The following PCNX1 variants were observed in gnomAD, a reference collection of about 807,000 sequenced individuals.
The protein encoded by PCNX1 is pecanex 1.
PCNX1 carries 78 observed loss-of-function variants against 242.2 expected under a neutral mutation model. That is an observed-to-expected ratio of 0.32 (90% confidence interval 0.27 to 0.39). The LOEUF is 0.39. Among genes scored for constraint, PCNX1 ranks in the 10% least tolerant of loss-of-function variants. PCNX1 has a pLI of 1.00. For synonymous variants in PCNX1, 1,024 were observed against 1,032.9 expected, an observed-to-expected ratio of 0.99 and a Z score of 0.17; for missense variants, 2,581 against 2,856.5, an observed-to-expected ratio of 0.90 and a Z score of 2.20.
chr14:71,114,303 T>A lies in PCNX1; in HGVS notation c.*4368T>A, dbSNP rs749972653. On this transcript the variant is annotated 3_prime_UTR_variant, in exon 36 of 36. Coordinates refer to ENST00000304743, the MANE Select transcript of PCNX1 (RefSeq NM_014982.3). ...TTGTTTTTAATTTGGTTGATTGATA[T>A]GCACCCAGGCCGTCTTATTTTTACT... 4 of 152,204 alleles carry A rather than the reference T, an allele frequency of 2.6e-5. No individual in the cohort carries two copies. The highest frequency in any genetic ancestry group is 5.9e-5 in the Non-Finnish European group (4 of 68,018). The allele number at this position is 152,204 out of a possible 1,614,324, so 9.4% of individuals were successfully genotyped here.
At chr14:71,054,658 C>T (rs1005810836) in intron 24 of PCNX1, among the ~76,000 whole-genome samples, 38 of 152,032 alleles carry the variant, frequency 2.5e-4, no homozygotes, top group Non-Finnish European at 1.2e-4. Context: ...AAGAAAAAAA[C>T]GCAGCTAGTT....
rs745918474 is a variant in PCNX1 at position 70,962,236 on chromosome 14, G to A, written c.373G>A (p.Gly125Arg). 3 of 1,603,816 alleles carry A rather than the reference G, an allele frequency of 1.9e-6. No homozygotes were observed. The Admixed American group carries it at 5.0e-5, about 27-fold the overall frequency. Reference protein sequence around the residue: ...KDSNGPSDPGGGIEMSEFIRE... With the variant: ...KDSNGPSDPGRGIEMSEFIRE... ...TTTTTTTCTCCACAGTGATCCTGGTGGAGGGATTGAAATGTCTGAGTTCAT... is the reference window on the plus strand; with the variant it reads ...TTTTTTTCTCCACAGTGATCCTGGTAGAGGGATTGAAATGTCTGAGTTCAT... Residue 125 changes from glycine to arginine, a missense_variant, in exon 3 of 36, where the codon GGA becomes AGA. Around this residue, in one of 9 missense-constraint regions of PCNX1, gnomAD observed 1,204 missense variants for 1,216.7 expected, o/e 0.99. Transcript: ENST00000304743.
At chr14:70,913,252 G>A (rs2056003005) in intron 1 of PCNX1, among the ~76,000 whole-genome samples, 1 of 152,158 alleles carries the variant, frequency 6.6e-6, no homozygotes. Context: ...TACATGTGAA[G>A]CTTTTTTAGA....
chr14:71,103,260 C>G, intron 31 of PCNX1, 135 bp from the exon 32 acceptor site: 1 of 946,018 alleles, frequency 1.1e-6, no homozygotes, highest in Non-Finnish European at 1.6e-6. Context: ...TAAATGTGAC[C>G]TACTTATATT....
chr14:71,006,733 A>G (rs1205366170), intron 8 of PCNX1, among the ~76,000 whole-genome samples: 3 of 152,182 alleles, frequency 2.0e-5, no homozygotes, highest in East Asian at 3.8e-4. Context: ...ATAGTAATAT[A>G]TATTTATTTC....
intron 5 of PCNX1, among the ~76,000 whole-genome samples, chr14:70,971,429 C>T (rs1178032603): frequency 7.5e-5 from 1 of 13,382 alleles, no homozygotes; most frequent in African/African-American, 2.6e-4. Flanking sequence ...CAGGCGTGAG[C>T]CACCGCGCCC....
intron 1 of PCNX1, among the ~76,000 whole-genome samples, chr14:70,921,813 T>C (rs1057487972): frequency 2.0e-5 from 3 of 152,180 alleles, no homozygotes; most frequent in Non-Finnish European, 4.4e-5. Flanking sequence ...GTACATACTC[T>C]GTCTCTCTTA....
intron 1 of PCNX1, among the ~76,000 whole-genome samples, chr14:70,927,473 C>G (rs2056633690): frequency 6.6e-6 from 1 of 152,056 alleles, no homozygotes; most frequent in African/African-American, 2.4e-5. Context: ...GAGCTCAGGG[C>G]AAGTGTGATG....
At chr14:71,031,875 A>C in intron 16 of PCNX1, 1 of 1,454,860 alleles carries the variant, frequency 6.9e-7, no homozygotes, top group Non-Finnish European at 9.6e-7. Context: ...GCACTTTCAC[A>C]GCACGAGCAG....
chr14:70,978,749 C>T, intron 6 of PCNX1, 101 bp downstream of exon 6: 1 of 1,032,502 alleles, frequency 9.7e-7, no homozygotes, highest in Non-Finnish European at 1.4e-6. Context: ...AATATTCCCC[C>T]TTCCACTGTG....
chr14:71,081,602 T>G (rs2061856439), intron 28 of PCNX1, among the ~76,000 whole-genome samples: 1 of 152,098 alleles, frequency 6.6e-6, no homozygotes, highest in South Asian at 2.1e-4. Flanking sequence ...CTTGGGAGGG[T>G]GTGTGTGTCC....
At chr14:70,945,395 G>T (rs749309144) in intron 1 of PCNX1, among the ~76,000 whole-genome samples, 69 of 152,108 alleles carry the variant, frequency 4.5e-4, no homozygotes, top group Admixed American at 1.3e-4. Context: ...TTTTAAGTTG[G>T]AATCAGAAGT....
At chr14:70,939,407 A>T (rs2057141711) in intron 1 of PCNX1, among the ~76,000 whole-genome samples, 1 of 152,188 alleles carries the variant, frequency 6.6e-6, no homozygotes, top group Admixed American at 6.5e-5. Flanking sequence ...GTCATTCAGG[A>T]GCAGGTTGTA....
At chr14:70,999,463 G>T (rs1260459633) in intron 8 of PCNX1, among the ~76,000 whole-genome samples, 1 of 152,092 alleles carries the variant, frequency 6.6e-6, no homozygotes, top group Non-Finnish European at 1.5e-5. Flanking sequence ...AAGAAATGAG[G>T]ACAAGAGTTC....
At position 71,058,973 on chromosome 14, in the gene PCNX1, A is replaced by G. The variant is rs113448866; in HGVS notation, c.4852+1249A>G. Among the ~76,000 whole-genome samples the G allele has an allele frequency of 8.0e-3, 1,216 of 152,334 alleles. 10 individuals carry two copies. Among genetic ancestry groups the G allele is most frequent in the Middle Eastern group, 0.024 (7 of 294 alleles). On this transcript the variant is annotated intron_variant, in intron 26 of 35. Coordinates refer to ENST00000304743, the MANE Select transcript of PCNX1 (RefSeq NM_014982.3). ...CAACTAGGCTCATCCAAAAGTTAGC[A>G]TACCCTTACCACCATTCCTGCTACT...
intron 1 of PCNX1, among the ~76,000 whole-genome samples, chr14:70,937,734 A>G (rs1027596291): frequency 1.3e-5 from 2 of 152,138 alleles, no homozygotes; most frequent in African/African-American, 2.4e-5. Flanking sequence ...CAGTATGTCC[A>G]TTTTCACAAT....
chr14:71,101,582 GA>G (rs200738322), intron 30 of PCNX1, among the ~76,000 whole-genome samples: 5,137 of 152,176 alleles, frequency 0.034, 117 homozygotes, highest in Non-Finnish European at 0.052. Context: ...GACTTTATGT[GA>G]AAAGTATCTA....
In PCNX1 at chr14:71,108,157, T is replaced by A. The variant is rs28448751; in HGVS notation, c.6302-447T>A. ...TCTCTGCTTCTGTGAGTTCGGGGTT[T>A]TCAGATTCCACAAGTGAGATCATGC... On this transcript the variant is annotated intron_variant, in intron 33 of 35. Transcript: ENST00000304743. Among the ~76,000 whole-genome samples the A allele has an allele frequency of 8.6e-3, 1,308 of 152,314 alleles. 10 individuals are homozygous for A. The highest frequency in any genetic ancestry group is 0.03 in the African/African-American group (1,233 of 41,568).
intron 26 of PCNX1, among the ~76,000 whole-genome samples, chr14:71,063,620 G>A (rs573286982): frequency 7.2e-5 from 11 of 152,030 alleles, no homozygotes; most frequent in Admixed American, 3.3e-4. Context: ...TCACCTACCC[G>A]TCTGCCAAAT....
Sources: gnomAD v4.1 joint callset for allele counts (sites outside exome capture counted in the v4.1 genomes callset) on GRCh38, gnomAD v4.1.1 for gene constraint, gnomAD v4.1.1 regional missense constraint, MANE v1.5 for transcripts, NCBI Gene and HGNC (gene_info 2026-07-23, HGNC 2026-07-21) for gene names.